R3HCC1: variants seen among roughly 807,000 people sequenced by gnomAD.
R3HCC1 encodes R3H and coiled-coil domain-containing protein 1.
A neutral mutation model predicts 40.0 loss-of-function variants in R3HCC1; 32 were observed. The ratio of observed to expected loss-of-function variants is 0.80; its 90% confidence interval spans 0.60 to 1.07. R3HCC1 has a LOEUF of 1.07. Among genes scored for constraint, R3HCC1 ranks in the 50% least tolerant of loss-of-function variants. The pLI, the probability that R3HCC1 is intolerant of heterozygous loss-of-function variation, is 0.00. For synonymous variants in R3HCC1, 237 were observed against 232.8 expected, an observed-to-expected ratio of 1.02 and a Z score of -0.17; for missense variants, 586 against 563.3, an observed-to-expected ratio of 1.04 and a Z score of -0.41.
At chr8:23,292,210 C>G (rs1259885741) in intron 5 of R3HCC1, among the ~76,000 whole-genome samples, 1 of 152,134 alleles carries the variant, frequency 6.6e-6, no homozygotes, top group Non-Finnish European at 1.5e-5. Context: ...TTGCTGCAGC[C>G]TCAACCTCCT....
intron 7 of R3HCC1, 150 bp downstream of exon 7, chr8:23,295,014 C>T: frequency 4.5e-6 from 3 of 671,188 alleles, no homozygotes; most frequent in Admixed American, 2.2e-5. Flanking sequence ...CTTAGGGAGC[C>T]CTGGGCTGCA....
At chr8:23,294,701 G>C in intron 6 of R3HCC1, 68 bp from the exon 7 acceptor site, 3 of 1,217,888 alleles carry the variant, frequency 2.5e-6, no homozygotes, top group Non-Finnish European at 3.5e-6. Context: ...GCAGGGGTTC[G>C]GGGTGGTGGG....
Position 23,295,906 on chromosome 8 carries a change from G to C in R3HCC1, c.1193-61G>C, listed in dbSNP as rs992530719. On this transcript the variant is annotated intron_variant, in intron 7 of 7. Coordinates refer to ENST00000265806, the MANE Select transcript of R3HCC1 (RefSeq NM_001136108.3). Reference sequence around the variant, plus strand: ...TGATGGCTTGTACGGCTGCTGTGTTGCTGGGGGAGAGGCAGCCACGACCTT... The same window carrying C: ...TGATGGCTTGTACGGCTGCTGTGTTCCTGGGGGAGAGGCAGCCACGACCTT... 6.0e-6 allele frequency: 9 copies of C among 1,496,668 alleles called. No individual in the cohort carries two copies. The East Asian group carries it at 2.2e-4, about 37-fold the overall frequency. The allele number at this position is 1,496,668 out of a possible 1,614,324, so 92.7% of individuals were successfully genotyped here. A position where few individuals can be genotyped will look rare whatever the true frequency, so the allele number is the denominator to read the frequency against.
rs1372965641 is a variant in R3HCC1, at chr8:23,289,862, C to T, written c.249-4C>T. ...CTGATTACCTCCTCCCATTCCTGCT[C>T]CAGGGTACCCAGTTCGGATGGCCTC... is the stretch of plus-strand genomic sequence containing the variant. On this transcript the variant is annotated splice_region_variant and splice_polypyrimidine_tract_variant and intron_variant, in intron 3 of 7. Coordinates refer to ENST00000265806, the MANE Select transcript of R3HCC1 (RefSeq NM_001136108.3). 2 of 1,498,524 alleles carry T rather than the reference C, an allele frequency of 1.3e-6. No individual in the cohort carries two copies. Among genetic ancestry groups the T allele is most frequent in the Non-Finnish European group, 1.8e-6 (2 of 1,127,198 alleles). 92.8% of individuals were successfully genotyped at this position (1,498,524 alleles called of 1,614,324 possible). A position where few individuals can be genotyped will look rare whatever the true frequency, so the allele number is the denominator to read the frequency against.
Position 23,289,874 on chromosome 8 carries a change from G to A in R3HCC1, c.257G>A (p.Ser86Asn). 2.0e-6 allele frequency: 3 copies of A among 1,515,852 alleles called. No individual in the cohort carries two copies. The highest frequency in any genetic ancestry group is 1.8e-6 in the Non-Finnish European group (2 of 1,135,340). The allele number at this position is 1,515,852 out of a possible 1,614,324, so 93.9% of individuals were successfully genotyped here. A position where few individuals can be genotyped will look rare whatever the true frequency, so the allele number is the denominator to read the frequency against. The change falls in exon 4 of 8, where the codon AGT becomes AAT. Residue 86 changes from serine to asparagine, a missense_variant. Transcript: ENST00000265806. ...TCCCATTCCTGCTCCAGGGTACCCA[G>A]TTCGGATGGCCTCTCTGGCCCCTGC...
chr8:23,288,386 C>T (rs1802786521), intron 1 of R3HCC1, 120 bp from the exon 2 acceptor site: 2 of 1,385,294 alleles, frequency 1.4e-6, no homozygotes, highest in East Asian at 5.1e-5. Context: ...GGCATCACTT[C>T]CCCGCCACCG....
At position 23,289,049 on chromosome 8, in the gene R3HCC1, C is replaced by G. The variant is rs990490057; in HGVS notation, c.144C>G (p.Leu48=). Residue 48 remains leucine, a synonymous_variant, in exon 3 of 8, where the codon CTC becomes CTG. Transcript: ENST00000265806. Reference sequence around the variant, plus strand: ...TTTTCCCCCCACTCTCCAGTCGCCTCCGGTACCTGATCCATAGAACAGCAG... The same window carrying G: ...TTTTCCCCCCACTCTCCAGTCGCCTGCGGTACCTGATCCATAGAACAGCAG... 6.5e-7 allele frequency: 1 copy of G among 1,536,562 alleles called. No homozygotes were observed. Among genetic ancestry groups the G allele is most frequent in the African/African-American group, 1.4e-5 (1 of 73,060 alleles).
intron 5 of R3HCC1, among the ~76,000 whole-genome samples, chr8:23,292,613 C>CA (rs1241191773): frequency 6.9e-6 from 1 of 144,034 alleles, no homozygotes; most frequent in African/African-American, 2.4e-5. Flanking sequence ...GACTCCCTCT[C>CA]AAAAAAAATA....
chr8:23,291,384 G>A lies in R3HCC1; in HGVS notation c.876G>A (p.Lys292=). ...AGATCACAGACAACCTGACGAAGAAGGAGATTCAGATAGAGAAGATCCATT... is the reference window on the plus strand; with the variant it reads ...AGATCACAGACAACCTGACGAAGAAAGAGATTCAGATAGAGAAGATCCATT... The change falls in exon 5 of 8, where the codon AAG becomes AAA. Residue 292 remains lysine, a synonymous_variant. Transcript: ENST00000265806. 6.4e-7 allele frequency: 1 copy of A among 1,551,858 alleles called. No homozygotes were observed. The highest frequency in any genetic ancestry group is 8.7e-7 in the Non-Finnish European group (1 of 1,146,992).
chr8:23,294,228 G>A (rs1802938449), intron 6 of R3HCC1, among the ~76,000 whole-genome samples: 1 of 152,172 alleles, frequency 6.6e-6, no homozygotes, highest in Admixed American at 6.5e-5. Context: ...AGCTGTGGCT[G>A]GGGTTGGCCA....
rs767400055 is a variant in R3HCC1, at chr8:23,296,090, C to T, written c.1316C>T (p.Pro439Leu). The T allele has an allele frequency of 5.1e-5, 79 of 1,549,530 alleles. 2 individuals are homozygous for T. The Admixed American group carries it at 7.5e-4, about 15-fold the overall frequency. ...CGGCCTGCTGTCCGGGGTCCGCTGCCGCCCTGAGGCCTGGAGACCCAACTG... is the reference window on the plus strand; with the variant it reads ...CGGCCTGCTGTCCGGGGTCCGCTGCTGCCCTGAGGCCTGGAGACCCAACTG... Residue 439 changes from proline to leucine, a missense_variant, in exon 8 of 8, where the codon CCG (proline) becomes CTG (leucine). Pro to Leu is a moderately conservative substitution (Grantham distance 98). Transcript: ENST00000265806.
In R3HCC1 at chr8:23,293,343, G is replaced by T. The variant is rs375081566; in HGVS notation, c.1066G>T (p.Ala356Ser). The change falls in exon 6 of 8, where the codon GCA (alanine) becomes TCA (serine). Residue 356 changes from alanine to serine, a missense_variant. Ala to Ser is a moderately conservative substitution (Grantham distance 99, BLOSUM62 1). Transcript: ENST00000265806. ...GATTCAGTGGGTGGATGATACTCAC[G>T]CACTCGGCATCTTTCCCTGCCTGGC... is the stretch of plus-strand genomic sequence containing the variant. 6.4e-7 allele frequency: 1 copy of T among 1,551,154 alleles called. No individual in the cohort carries two copies. Among genetic ancestry groups the T allele is most frequent in the African/African-American group, 1.4e-5 (1 of 72,988 alleles).
chr8:23,288,568 G>A lies in R3HCC1; in HGVS notation c.45G>A (p.Glu15=), dbSNP rs759464050. 4 of 1,536,036 alleles carry A rather than the reference G, an allele frequency of 2.6e-6. No individual in the cohort carries two copies. The highest frequency in any genetic ancestry group is 3.5e-6 in the Non-Finnish European group (4 of 1,146,888). ...ATGGTGTCTTCCTCTCCTCAGCCGA[G>A]AATGACTTCGTCCACCGGATCCAGG... Residue 15 remains glutamate, a synonymous_variant, in exon 2 of 8, where the codon GAG becomes GAA. Transcript: ENST00000265806.
intron 5 of R3HCC1, among the ~76,000 whole-genome samples, chr8:23,292,438 C>A (rs201444000): frequency 1.3e-5 from 2 of 152,148 alleles, no homozygotes; most frequent in Non-Finnish European, 2.9e-5. Context: ...CCCTGCCTGT[C>A]TCTACTAAAA....
rs537417619 is a variant in R3HCC1 at position 23,290,375 on chromosome 8, G to C, written c.758G>C (p.Arg253Thr). 6 of 1,551,880 alleles carry C rather than the reference G, an allele frequency of 3.9e-6. No homozygotes were observed. The Admixed American group carries it at 5.9e-5, about 15-fold the overall frequency. The change falls in exon 4 of 8, where the codon AGG becomes ACG. Residue 253 changes from arginine to threonine, a missense_variant. Coordinates refer to ENST00000265806, the MANE Select transcript of R3HCC1 (RefSeq NM_001136108.3). The stretch of plus-strand genomic sequence containing the variant: ...GGGAAGGAGAGTCTGTTGGAGAAGA[G>C]GCTGGTGGCAGAGGAGGAAGAGGAC...
intron 4 of R3HCC1, chr8:23,290,961 C>T: frequency 4.8e-6 from 1 of 209,376 alleles, no homozygotes; most frequent in East Asian, 1.1e-4. Context: ...AGACCACAGA[C>T]CTGCCAAATA....
chr8:23,289,207 C>A, intron 3 of R3HCC1, 54 bp downstream of exon 3: 1 of 1,523,532 alleles, frequency 6.6e-7, no homozygotes, highest in Non-Finnish European at 8.8e-7. Flanking sequence ...GGGTGGCCAG[C>A]TAGCTGGTCA....
intron 6 of R3HCC1, 36 bp from the exon 7 acceptor site, chr8:23,294,733 G>A: frequency 6.7e-7 from 1 of 1,500,192 alleles, no homozygotes; most frequent in Non-Finnish European, 9.1e-7. Context: ...GTCCTGAGGA[G>A]GAGGGAGTGG....
At chr8:23,288,238 C>T in intron 1 of R3HCC1, 81 bp downstream of exon 1, 1 of 1,188,374 alleles carries the variant, frequency 8.4e-7, no homozygotes, top group East Asian at 4.5e-5. Context: ...CTGCGCGGAG[C>T]AGGCCCCCGT....
Sources: allele counts gnomAD v4.1 joint callset (sites outside exome capture counted in the v4.1 genomes callset), GRCh38; gene constraint gnomAD v4.1.1; transcripts MANE v1.5; gene names NCBI Gene and HGNC (gene_info 2026-07-23, HGNC 2026-07-21).